NLGN1: variants seen among roughly 807,000 people sequenced by gnomAD.
The protein encoded by NLGN1 is neuroligin-1.
NLGN1 carries 12 observed loss-of-function variants against 65.5 expected under a neutral mutation model. The observed-to-expected ratio is 0.18, with a 90% CI of 0.12 to 0.30. NLGN1 has a LOEUF of 0.30. Ranked by LOEUF, NLGN1 falls within the 10% of genes least tolerant of loss-of-function variation. NLGN1 has a pLI of 1.00. For synonymous variants in NLGN1, 350 were observed against 359.5 expected, an observed-to-expected ratio of 0.97 and a Z score of 0.30; for missense variants, 750 against 1,007.1, an observed-to-expected ratio of 0.74 and a Z score of 3.46.
At chr3:173,779,186 T>C (rs886331146) in intron 3 of NLGN1, among the ~76,000 whole-genome samples, 2 of 151,896 alleles carry the variant, frequency 1.3e-5, no homozygotes, top group African/African-American at 4.8e-5. Context: ...TCTGATTAAC[T>C]AGATATTAGC....
At chr3:173,473,421 G>T (rs1364206660) in intron 2 of NLGN1, among the ~76,000 whole-genome samples, 1 of 152,164 alleles carries the variant, frequency 6.6e-6, no homozygotes, top group East Asian at 1.9e-4. Flanking sequence ...TGTGGGAAAT[G>T]AGCATTGAAA....
chr3:173,954,348 A>G (rs1356232184), intron 4 of NLGN1, among the ~76,000 whole-genome samples: 1 of 152,012 alleles, frequency 6.6e-6, no homozygotes, highest in African/African-American at 2.4e-5. Context: ...ATCTTTCTAA[A>G]TTTTAAATCT....
At chr3:173,588,584 T>C (rs890444917) in intron 2 of NLGN1, among the ~76,000 whole-genome samples, 1 of 152,174 alleles carries the variant, frequency 6.6e-6, no homozygotes, top group African/African-American at 2.4e-5. Context: ...CATTAAACTT[T>C]TGGGGGATTT....
chr3:174,124,335 T>C (rs1321380822), intron 4 of NLGN1, among the ~76,000 whole-genome samples: 1 of 151,920 alleles, frequency 6.6e-6, no homozygotes, highest in Non-Finnish European at 1.5e-5. Context: ...CACTGAATAT[T>C]CCTCCATTCA....
chr3:173,695,675 T>C, intron 3 of NLGN1: 1 of 186,264 alleles, frequency 5.4e-6, no homozygotes, highest in Non-Finnish European at 1.2e-5. Context: ...TCCACAGCTT[T>C]TTGCCAAACC....
chr3:173,742,406 T>C (rs1291175297), intron 3 of NLGN1, among the ~76,000 whole-genome samples: 1 of 103,436 alleles, frequency 9.7e-6, no homozygotes, highest in Non-Finnish European at 2.0e-5. Flanking sequence ...TTGTTTTCCT[T>C]AATGAAAAAA....
rs905754068 is a variant in NLGN1, at chr3:173,553,939, C to T, written c.-320-50340C>T. On this transcript the variant is annotated intron_variant, in intron 2 of 6. Coordinates refer to ENST00000457714, the Ensembl canonical transcript of NLGN1. ...CCCCCTGGGAATAATAGGTGATATT[C>T]GCACATCAAAGAGAAGTAGTGAGAA... Among the ~76,000 whole-genome samples the T allele has an allele frequency of 4.6e-5, 7 of 152,216 alleles. No individual in the cohort carries two copies. In the Middle Eastern group the frequency reaches 0.01, roughly 223 times the overall value.
intron 2 of NLGN1, among the ~76,000 whole-genome samples, chr3:173,522,960 C>G (rs781293105): frequency 6.9e-6 from 1 of 145,486 alleles, no homozygotes; most frequent in Non-Finnish European, 1.6e-5. Flanking sequence ...GTAGTAATAG[C>G]CATTCTTATT....
chr3:174,092,859 C>T (rs1744781928), intron 4 of NLGN1, among the ~76,000 whole-genome samples: 2 of 152,146 alleles, frequency 1.3e-5, no homozygotes, highest in Admixed American at 1.3e-4. Flanking sequence ...TGGATTCTAA[C>T]TTCAAATCTG....
chr3:173,990,038 T>G (rs1191176472), intron 4 of NLGN1, among the ~76,000 whole-genome samples: 3 of 152,196 alleles, frequency 2.0e-5, no homozygotes, highest in African/African-American at 7.2e-5. Context: ...GCTAGACACA[T>G]TGTTTTGGGT....
At chr3:173,551,635 C>T (rs768735192) in intron 2 of NLGN1, among the ~76,000 whole-genome samples, 2 of 152,178 alleles carry the variant, frequency 1.3e-5, no homozygotes, top group African/African-American at 4.8e-5. Context: ...ATTATAATTA[C>T]TTGCTTCAAG....
intron 4 of NLGN1, among the ~76,000 whole-genome samples, chr3:173,941,963 A>G (rs756491065): frequency 6.6e-6 from 1 of 151,756 alleles, no homozygotes; most frequent in Admixed American, 6.6e-5. Context: ...CACAGATGCT[A>G]TGGGGCACTG....
intron 4 of NLGN1, among the ~76,000 whole-genome samples, chr3:173,919,395 G>A (rs1741471293): frequency 6.6e-6 from 1 of 152,048 alleles, no homozygotes; most frequent in Non-Finnish European, 1.5e-5. Flanking sequence ...AAATTTTCTT[G>A]GGTTTTTACC....
At chr3:173,679,755 C>T (rs1763696764) in intron 3 of NLGN1, among the ~76,000 whole-genome samples, 1 of 152,028 alleles carries the variant, frequency 6.6e-6, no homozygotes. Context: ...AGGAACATAC[C>T]TGGAGTCTGA....
intron 4 of NLGN1, among the ~76,000 whole-genome samples, chr3:174,063,041 C>T (rs73186505): frequency 1.3e-4 from 20 of 151,892 alleles, no homozygotes; most frequent in Non-Finnish European, 2.8e-4. Context: ...TGAAAGAAAA[C>T]TCTATTATCT....
intron 4 of NLGN1, among the ~76,000 whole-genome samples, chr3:173,842,195 T>G (rs1457263577): frequency 3.9e-5 from 6 of 152,166 alleles, no homozygotes; most frequent in Non-Finnish European, 7.3e-5. Context: ...ACAAGAACAG[T>G]GCAGAAAAGA....
chr3:173,626,781 T>C (rs573688134), intron 3 of NLGN1, among the ~76,000 whole-genome samples: 1 of 152,250 alleles, frequency 6.6e-6, no homozygotes, highest in African/African-American at 2.4e-5. Flanking sequence ...GTTTACAAAC[T>C]TGTCACACCT....
intron 4 of NLGN1, among the ~76,000 whole-genome samples, chr3:174,133,253 C>T (rs138362172): frequency 2.0e-5 from 3 of 152,332 alleles, no homozygotes; most frequent in Admixed American, 1.3e-4. Flanking sequence ...AAAACCTTCA[C>T]ATGCCATTCA....
intron 3 of NLGN1, among the ~76,000 whole-genome samples, chr3:173,721,567 TACTC>T (rs1169292763): frequency 6.6e-6 from 1 of 152,188 alleles, no homozygotes; most frequent in African/African-American, 2.4e-5. Flanking sequence ...TCAGAGTGCT[TACTC>T]TGTACTAGGT....
Sources: gnomAD v4.1 joint callset for allele counts (sites outside exome capture counted in the v4.1 genomes callset) on GRCh38, gnomAD v4.1.1 for gene constraint, MANE v1.5 for transcripts, NCBI Gene and HGNC (gene_info 2026-07-23, HGNC 2026-07-21) for gene names.